RGS12: variants seen among roughly 807,000 people sequenced by gnomAD.
RGS12 encodes the protein regulator of G protein signaling 12.
Under a neutral mutation model 120.1 loss-of-function variants are expected in RGS12, and 66 were observed. The ratio of observed to expected loss-of-function variants is 0.55; its 90% CI spans 0.45 to 0.67. The LOEUF is 0.67. Among genes scored for constraint, RGS12 ranks in the 30% least tolerant of loss-of-function variants. The pLI, the probability that RGS12 is intolerant of heterozygous loss-of-function variation, is 0.00. For missense variants in RGS12, 1,859 were observed against 1,957.7 expected (o/e 0.95, Z 0.95); for synonymous variants, 827 against 804.7 (o/e 1.03, Z -0.47).
chr4:3,382,850 G>A (rs1489863767), intron 3 of RGS12, among the ~76,000 whole-genome samples: 1 of 152,062 alleles, frequency 6.6e-6, no homozygotes, highest in Non-Finnish European at 1.5e-5. Flanking sequence ...CACTGTGCTC[G>A]TGTTCTGCTT....
intron 3 of RGS12, among the ~76,000 whole-genome samples, chr4:3,362,874 T>TGG (rs35793370): frequency 2.4e-4 from 36 of 148,422 alleles, no homozygotes; most frequent in African/African-American, 8.1e-4. Flanking sequence ...CGAGGGTGTG[T>TGG]GTGTGTGAGA....
intron 2 of RGS12, among the ~76,000 whole-genome samples, chr4:3,327,660 C>T (rs1280491917): frequency 6.6e-6 from 1 of 152,188 alleles, no homozygotes; most frequent in Admixed American, 6.5e-5. Flanking sequence ...GTTCAACAGG[C>T]ATGTGAGAAA....
At chr4:3,431,455 A>C (rs1394596067) in intron 17 of RGS12, 1 of 990,836 alleles carries the variant, frequency 1.0e-6, no homozygotes, top group Non-Finnish European at 1.2e-6. Flanking sequence ...TGCAGCTCGG[A>C]CCCACCGGCG....
intron 2 of RGS12, chr4:3,342,516 G>C (rs769725982): frequency 7.7e-7 from 1 of 1,291,108 alleles, no homozygotes; most frequent in Non-Finnish European, 1.0e-6. Context: ...GAAAAAGCAC[G>C]ACTTTGCTGA....
intron 2 of RGS12, among the ~76,000 whole-genome samples, chr4:3,329,959 C>G (rs529958823): frequency 9.8e-5 from 15 of 152,320 alleles, no homozygotes; most frequent in South Asian, 2.1e-4. Flanking sequence ...TATTGCATAT[C>G]AAGCTTCCTA....
intron 17 of RGS12, among the ~76,000 whole-genome samples, chr4:3,434,946 T>C (rs1047408279): frequency 1.4e-4 from 21 of 152,082 alleles, no homozygotes; most frequent in Non-Finnish European, 8.8e-5. Flanking sequence ...ATGGCCTGAC[T>C]GAGCTCCTGG....
intron 3 of RGS12, among the ~76,000 whole-genome samples, chr4:3,346,174 A>G (rs994800467): frequency 6.6e-6 from 1 of 152,194 alleles, no homozygotes; most frequent in Non-Finnish European, 1.5e-5. Context: ...CAATTTTATC[A>G]TCTAGTGTCC....
chr4:3,349,098 T>C (rs1027110712), intron 3 of RGS12, among the ~76,000 whole-genome samples: 1 of 152,244 alleles, frequency 6.6e-6, no homozygotes, highest in Admixed American at 6.5e-5. Flanking sequence ...GAAAACCCTG[T>C]TGTTCTAACA....
chr4:3,425,553 A>G lies in RGS12; in HGVS notation c.3324A>G (p.Arg1108=), dbSNP rs781172914. The part of the protein sequence containing the change: ...RVVLEEKDPS[R]GKASADKQKG... ...TCTTGGAGGAGAAGGATCCTTCCAGAGGAAAGGGTGAGTAGGGCTGGTGCA... is the reference window on the plus strand; with the variant it reads ...TCTTGGAGGAGAAGGATCCTTCCAGGGGAAAGGGTGAGTAGGGCTGGTGCA... The change falls in exon 14 of 18, where the codon AGA becomes AGG. Residue 1108 remains arginine, a synonymous_variant. Coordinates refer to ENST00000336727, the MANE Select transcript of RGS12 (RefSeq NM_001394154.1). The G allele has an allele frequency of 6.2e-7, 1 of 1,600,540 alleles. No homozygotes were observed. Among genetic ancestry groups the G allele is most frequent in the Non-Finnish European group, 8.5e-7 (1 of 1,174,952 alleles).
chr4:3,330,103 G>A (rs543222738), intron 2 of RGS12, among the ~76,000 whole-genome samples: 1 of 152,330 alleles, frequency 6.6e-6, no homozygotes, highest in African/African-American at 2.4e-5. Context: ...AGGTCTCTAA[G>A]CAAATGCACC....
At chr4:3,340,953 C>T (rs1213631453) in intron 2 of RGS12, among the ~76,000 whole-genome samples, 1 of 152,062 alleles carries the variant, frequency 6.6e-6, no homozygotes, top group African/African-American at 2.4e-5. Context: ...CACCTGGCCG[C>T]TGTGCTTCTA....
At chr4:3,314,606 G>T (rs556414463) in intron 1 of RGS12, 1 of 152,118 alleles carries the variant, frequency 6.6e-6, no homozygotes, top group African/African-American at 2.4e-5. Flanking sequence ...AGGTTTCACC[G>T]TGTTAGCCAG....
chr4:3,288,155 A>C (rs755457885), upstream of RGS12, among the ~76,000 whole-genome samples: 5 of 152,108 alleles, frequency 3.3e-5, no homozygotes, highest in African/African-American at 1.2e-4. This position sits in a 1 kb window ranked among gnomAD's most constrained non-coding sequence, Gnocchi z 5.2. Context: ...CTACTGCCGC[A>C]TGGGGAGTGT....
intron 2 of RGS12, among the ~76,000 whole-genome samples, chr4:3,341,446 G>A (rs111216105): frequency 0.22 from 106 of 488 alleles, 31 homozygotes; most frequent in East Asian, 0.43. Flanking sequence ...GTGGGGAGGG[G>A]ACAAGGGTGT....
chr4:3,406,715 G>T (rs904968521), intron 4 of RGS12, among the ~76,000 whole-genome samples: 4 of 152,226 alleles, frequency 2.6e-5, no homozygotes, highest in Non-Finnish European at 5.9e-5. Context: ...AGACCCAGGA[G>T]ATCCTCTCAG....
intron 5 of RGS12, 38 bp downstream of exon 5, chr4:3,414,279 GTGCTC>G: frequency 6.7e-7 from 1 of 1,498,572 alleles, no homozygotes; most frequent in Non-Finnish European, 8.9e-7. Context: ...GGAGCGGTCT[GTGCTC>G]TGCAGAGACT....
At chr4:3,436,134 G>T (rs73079035) in intron 17 of RGS12, among the ~76,000 whole-genome samples, 5,730 of 151,720 alleles carry the variant, frequency 0.038, 344 homozygotes, top group African/African-American at 0.12. Context: ...CCTTGGGGGG[G>T]TCACACTCTG....
chr4:3,312,421 G>C (rs80012975), intron 1 of RGS12: 1 of 203,310 alleles, frequency 4.9e-6, no homozygotes, highest in African/African-American at 2.3e-5. Context: ...CTTTGCCCAC[G>C]TGGTGAACAC....
intron 4 of RGS12, among the ~76,000 whole-genome samples, chr4:3,409,584 G>C (rs1457187034): frequency 6.6e-6 from 1 of 152,226 alleles, no homozygotes; most frequent in Non-Finnish European, 1.5e-5. Context: ...CAAGGCCTAG[G>C]GAGTGGCCAG....
Sources: allele counts gnomAD v4.1 joint callset (sites outside exome capture counted in the v4.1 genomes callset), GRCh38; gene constraint gnomAD v4.1.1; non-coding constraint Gnocchi (gnomAD v3.1); transcripts MANE v1.5; gene names NCBI Gene and HGNC (gene_info 2026-07-23, HGNC 2026-07-21).